SLC17A1: variants seen among roughly 807,000 people sequenced by gnomAD.
SLC17A1 encodes the protein solute carrier family 17 member 1, also known as sodium-dependent phosphate transport protein 1.
SLC17A1 carries 51 observed loss-of-function variants against 53.5 expected under a neutral mutation model. That is an observed-to-expected ratio of 0.95 (90% CI 0.76 to 1.20). The LOEUF (loss-of-function observed/expected upper bound fraction) is 1.20. SLC17A1 is among the 50% of genes most tolerant of loss of function. The pLI is 0.00. For missense variants in SLC17A1, 538 were observed against 568.2 expected (o/e 0.95, Z 0.54); for synonymous variants, 179 against 198.8 (o/e 0.90, Z 0.84).
At chr6:25,783,952 T>A (rs936705107) in intron 12 of SLC17A1, among the ~76,000 whole-genome samples, 2 of 151,074 alleles carry the variant, frequency 1.3e-5, no homozygotes, top group African/African-American at 4.9e-5. Context: ...TCCTCTGATG[T>A]CATATTCTCC....
chr6:25,733,075 C>G, the SLC17A1 span, among the ~76,000 whole-genome samples: 1 of 152,138 alleles, frequency 6.6e-6, no homozygotes. Flanking sequence ...TCCTTTAATA[C>G]TCGGTAGTAT....
chr6:25,829,712 T>A (rs897758846), intron 2 of SLC17A1, among the ~76,000 whole-genome samples: 1 of 152,108 alleles, frequency 6.6e-6, no homozygotes, highest in Non-Finnish European at 1.5e-5. Context: ...GTAATAAGAA[T>A]ACCGCATATC....
chr6:25,763,996 T>C, the SLC17A1 span, among the ~76,000 whole-genome samples: 6 of 152,200 alleles, frequency 3.9e-5, no homozygotes, highest in Non-Finnish European at 5.9e-5. Flanking sequence ...AAAAGTCAGG[T>C]TGGTTACTTT....
the SLC17A1 span, among the ~76,000 whole-genome samples, chr6:25,757,806 C>A: frequency 6.6e-6 from 1 of 152,188 alleles, no homozygotes; most frequent in African/African-American, 2.4e-5. Context: ...TTGTACCCCA[C>A]TGGGGGCATC....
the SLC17A1 span, chr6:25,754,810 A>G: frequency 2.0e-5 from 3 of 152,084 alleles, no homozygotes; most frequent in Non-Finnish European, 4.4e-5. Context: ...TTTTACCCTT[A>G]ATATTCTGCT....
intron 12 of SLC17A1, among the ~76,000 whole-genome samples, chr6:25,791,876 C>G (rs1195615338): frequency 6.6e-6 from 1 of 152,176 alleles, no homozygotes; most frequent in East Asian, 1.9e-4. Flanking sequence ...GCAAAGGTGG[C>G]GGGAACATTT....
In SLC17A1 at chr6:25,826,497, G is replaced by T; in HGVS notation, c.171C>A (p.Pro57=). 1 of 1,610,540 alleles carries T rather than the reference G, an allele frequency of 6.2e-7. No individual in the cohort carries two copies. The highest frequency in any genetic ancestry group is 8.5e-7 in the Non-Finnish European group (1 of 1,178,142). ...MVNSTDPHGL[P]NTSTKKLLDN... Reference sequence around the variant, plus strand: ...CCAGGAGCTTCTTTGTGGAGGTGTTGGGCAAACCATGTGGATCTGTGCTAT... The same window carrying T: ...CCAGGAGCTTCTTTGTGGAGGTGTTTGGCAAACCATGTGGATCTGTGCTAT... The change falls in exon 3 of 13, where the codon CCC becomes CCA. Residue 57 remains proline, a synonymous_variant. Coordinates refer to ENST00000244527, the MANE Select transcript of SLC17A1 (RefSeq NM_005074.5).
chr6:25,791,517 A>T (rs1179086), intron 12 of SLC17A1, among the ~76,000 whole-genome samples: 58,215 of 152,058 alleles, frequency 0.38, 11,998 homozygotes, highest in East Asian at 0.7. Context: ...AGGAAAACGC[A>T]AATTATTTTT....
intron 12 of SLC17A1, among the ~76,000 whole-genome samples, chr6:25,795,155 T>C (rs888254172): frequency 6.6e-6 from 1 of 152,118 alleles, no homozygotes; most frequent in Non-Finnish European, 1.5e-5. Context: ...CTTAGCCTAA[T>C]ATCTAAAATG....
chr6:25,755,384 G>A, the SLC17A1 span, among the ~76,000 whole-genome samples: 1 of 152,182 alleles, frequency 6.6e-6, no homozygotes, highest in African/African-American at 2.4e-5. Context: ...CTGTGAATAA[G>A]AGCCATGGGC....
chr6:25,752,767 A>T, the SLC17A1 span, among the ~76,000 whole-genome samples: 1 of 152,120 alleles, frequency 6.6e-6, no homozygotes, highest in Non-Finnish European at 1.5e-5. Context: ...CCTGGCTAAC[A>T]CAGTGAAACC....
At chr6:25,726,303 T>C in the SLC17A1 span, 4 of 1,613,996 alleles carry the variant, frequency 2.5e-6, no homozygotes, top group African/African-American at 4.0e-5. Context: ...TGCGAGTTTT[T>C]TTGTTATCGC....
At chr6:25,776,722 C>T in the SLC17A1 span, 4 of 1,613,874 alleles carry the variant, frequency 2.5e-6, 1 homozygote, top group South Asian at 2.2e-5. Context: ...CTCTTCACTG[C>T]CATTGGTAAG....
downstream of SLC17A1, chr6:25,779,179 C>T: frequency 1.2e-6 from 2 of 1,613,632 alleles, no homozygotes; most frequent in African/African-American, 1.3e-5. Context: ...AGACATTCAC[C>T]CACCTCTGAG....
At chr6:25,760,499 A>G in the SLC17A1 span, among the ~76,000 whole-genome samples, 1 of 152,172 alleles carries the variant, frequency 6.6e-6, no homozygotes, top group Non-Finnish European at 1.5e-5. Context: ...CCTGAATCTG[A>G]GAAATCTTGT....
At chr6:25,762,556 G>T in the SLC17A1 span, among the ~76,000 whole-genome samples, 1 of 152,102 alleles carries the variant, frequency 6.6e-6, no homozygotes. Context: ...TACCCTAAAT[G>T]CTTAATGAGT....
chr6:25,726,708 A>AT, the SLC17A1 span: 1 of 1,057,918 alleles, frequency 9.5e-7, no homozygotes, highest in Non-Finnish European at 1.4e-6. Flanking sequence ...GTCCAATCAG[A>AT]TTTTGGATAC....
chr6:25,773,136 T>C, the SLC17A1 span: 3 of 723,652 alleles, frequency 4.1e-6, no homozygotes, highest in South Asian at 3.4e-5. Context: ...TCCCCCATGA[T>C]AGGGCCATGC....
chr6:25,766,619 G>A, the SLC17A1 span, among the ~76,000 whole-genome samples: 1 of 152,184 alleles, frequency 6.6e-6, no homozygotes, highest in Non-Finnish European at 1.5e-5. Context: ...TGTTGACAGT[G>A]TGTGGCCTTA....
Sources: allele counts gnomAD v4.1 joint callset (sites outside exome capture counted in the v4.1 genomes callset), GRCh38; gene constraint gnomAD v4.1.1; transcripts MANE v1.5; gene names NCBI Gene and HGNC (gene_info 2026-07-23, HGNC 2026-07-21).